ZNF804B: variants seen among roughly 807,000 people sequenced by gnomAD.
The protein encoded by ZNF804B is zinc finger 804B.
A neutral mutation model predicts 101.4 loss-of-function variants in ZNF804B; 80 were observed. The ratio of observed to expected loss-of-function variants is 0.79; its 90% CI spans 0.66 to 0.95. ZNF804B has a LOEUF of 0.95. Among genes scored for constraint, ZNF804B ranks in the 40% least tolerant of loss-of-function variants. The probability of loss-of-function intolerance (pLI) is 0.00; values close to 1 mark genes in which losing one functional copy is unlikely to be tolerated. For synonymous variants in ZNF804B, 622 were observed against 558.8 expected, an observed-to-expected ratio of 1.11 and a Z score of -1.59; for missense variants, 1,673 against 1,561.9, an observed-to-expected ratio of 1.07 and a Z score of -1.20.
intron 1 of ZNF804B, among the ~76,000 whole-genome samples, chr7:89,105,338 A>G (rs1243960065): frequency 6.6e-6 from 1 of 152,086 alleles, no homozygotes; most frequent in Non-Finnish European, 1.5e-5. Flanking sequence ...CATGCATCCA[A>G]TGAACGGACT....
intron 1 of ZNF804B, among the ~76,000 whole-genome samples, chr7:89,207,980 G>T (rs781559107): frequency 1.5e-4 from 22 of 151,694 alleles, no homozygotes; most frequent in Non-Finnish European, 1.6e-4. Flanking sequence ...GATATGTTCT[G>T]TATTAGAGAA....
intron 2 of ZNF804B, among the ~76,000 whole-genome samples, chr7:89,261,011 T>G (rs1056815786): frequency 6.6e-6 from 1 of 152,182 alleles, no homozygotes; most frequent in Non-Finnish European, 1.5e-5. Context: ...TATATGCAAT[T>G]TACTGTAGAC....
chr7:88,794,392 T>C (rs1228004560), intron 1 of ZNF804B: 2 of 1,613,840 alleles, frequency 1.2e-6, no homozygotes, highest in South Asian at 1.1e-5. Context: ...CTGGCAAAGG[T>C]AGAGTGACAG....
At chr7:88,832,169 C>CA (rs111865956) in intron 1 of ZNF804B, among the ~76,000 whole-genome samples, 32,130 of 146,250 alleles carry the variant, frequency 0.22, 3,494 homozygotes, top group African/African-American at 0.27. Context: ...TATTCCTGCT[C>CA]AAAAAAAAAA....
chr7:89,156,032 C>CT (rs1387950852), intron 1 of ZNF804B, among the ~76,000 whole-genome samples: 3 of 52,062 alleles, frequency 5.8e-5, no homozygotes, highest in Non-Finnish European at 9.2e-5. Flanking sequence ...TTCTTTCTTT[C>CT]TTTCTTTCTT....
At chr7:89,207,557 G>A (rs1395917714) in intron 1 of ZNF804B, among the ~76,000 whole-genome samples, 1 of 152,180 alleles carries the variant, frequency 6.6e-6, no homozygotes, top group Non-Finnish European at 1.5e-5. Context: ...TGGGGACATA[G>A]AGCCAAACAA....
At position 89,257,929 on chromosome 7, in the gene ZNF804B, A is replaced by G. The variant is rs75945018; in HGVS notation, c.249+39634A>G. On this transcript the variant is annotated intron_variant, in intron 2 of 3. Transcript: ENST00000333190. ...AGAAGTTTTACATGTTTTCAGGTGC[A>G]TTATACAGATATTGATATCTCATAA... Among the ~76,000 whole-genome samples, 1,122 of 152,146 alleles carry G rather than the reference A, an allele frequency of 7.4e-3. 18 individuals are homozygous for G. Among genetic ancestry groups the G allele is most frequent in the African/African-American group, 0.026 (1,072 of 41,514 alleles).
intron 1 of ZNF804B, chr7:88,795,090 C>G (rs143227080): frequency 0.016 from 9,934 of 623,168 alleles, 103 homozygotes; most frequent in Middle Eastern, 0.02. Flanking sequence ...TCAAATGTTA[C>G]TAAATAGTAA....
chr7:89,311,027 G>A (rs1790643696), intron 2 of ZNF804B, among the ~76,000 whole-genome samples: 1 of 151,908 alleles, frequency 6.6e-6, no homozygotes, highest in Non-Finnish European at 1.5e-5. Context: ...CCCACAAGAA[G>A]CATGACTAAT....
chr7:89,092,657 C>T (rs1008965407), intron 1 of ZNF804B, among the ~76,000 whole-genome samples: 11 of 152,112 alleles, frequency 7.2e-5, no homozygotes, highest in South Asian at 2.1e-4. Flanking sequence ...GTGATCCACC[C>T]GCCTTGGCCT....
intron 2 of ZNF804B, among the ~76,000 whole-genome samples, chr7:89,249,779 C>T (rs994348401): frequency 6.6e-6 from 1 of 151,992 alleles, no homozygotes; most frequent in African/African-American, 2.4e-5. Context: ...AAAAAAATAA[C>T]TAAAATCACA....
intron 1 of ZNF804B, among the ~76,000 whole-genome samples, chr7:88,985,804 A>G (rs990931119): frequency 2.6e-5 from 4 of 152,104 alleles, no homozygotes; most frequent in Non-Finnish European, 4.4e-5. Context: ...TATAACCACC[A>G]TGGGTCACCT....
chr7:89,204,293 T>C (rs1472693196), intron 1 of ZNF804B, among the ~76,000 whole-genome samples: 3 of 152,234 alleles, frequency 2.0e-5, no homozygotes, highest in Non-Finnish European at 4.4e-5. Flanking sequence ...CATTTAAATG[T>C]ATTCAATTTA....
chr7:88,779,822 C>G (rs1340835669), intron 1 of ZNF804B, among the ~76,000 whole-genome samples: 2 of 152,086 alleles, frequency 1.3e-5, no homozygotes, highest in Admixed American at 6.6e-5. Flanking sequence ...ATTGTTGATT[C>G]ACATATCTGT....
At chr7:88,909,059 T>C (rs1792512360) in intron 1 of ZNF804B, among the ~76,000 whole-genome samples, 1 of 151,762 alleles carries the variant, frequency 6.6e-6, no homozygotes, top group South Asian at 2.1e-4. Context: ...AATCAATCTT[T>C]ATTTTTAAGA....
At chr7:88,884,132 CT>C (rs561692838) in intron 1 of ZNF804B, among the ~76,000 whole-genome samples, 63 of 148,526 alleles carry the variant, frequency 4.2e-4, no homozygotes, top group African/African-American at 1.2e-3. Flanking sequence ...ATGATTTTAT[CT>C]TTTTTTTTTC....
intron 1 of ZNF804B, among the ~76,000 whole-genome samples, chr7:88,861,874 G>A (rs746650528): frequency 6.6e-6 from 1 of 152,144 alleles, no homozygotes; most frequent in Non-Finnish European, 1.5e-5. Context: ...TTTTTCAGTA[G>A]CATAAGATTA....
chr7:89,202,283 GT>G (rs1788653241), intron 1 of ZNF804B, among the ~76,000 whole-genome samples: 1 of 152,006 alleles, frequency 6.6e-6, no homozygotes. Flanking sequence ...TCAGAGAAAG[GT>G]GTAGCTTCCT....
intron 1 of ZNF804B, among the ~76,000 whole-genome samples, chr7:89,028,721 C>T (rs1022980591): frequency 6.6e-6 from 1 of 152,036 alleles, no homozygotes; most frequent in Non-Finnish European, 1.5e-5. Flanking sequence ...TGATTTTAGT[C>T]AACTACTTAT....
Sources: allele counts gnomAD v4.1 joint callset (sites outside exome capture counted in the v4.1 genomes callset), GRCh38; gene constraint gnomAD v4.1.1; transcripts MANE v1.5; gene names NCBI Gene and HGNC (gene_info 2026-07-23, HGNC 2026-07-21).